The following FAHD2A variants were observed in gnomAD, a reference collection of about 807,000 sequenced individuals.
The protein encoded by FAHD2A is fumarylacetoacetate hydrolase domain containing 2A, also known as oxaloacetate tautomerase FAHD2A, mitochondrial.
In FAHD2A, 27 loss-of-function variants were observed where a neutral mutation model predicts 33.4. The ratio of observed to expected loss-of-function variants is 0.81; its 90% CI spans 0.60 to 1.11. The LOEUF is 1.11. FAHD2A is among the 50% of genes most tolerant of loss of function. The pLI, the probability that FAHD2A is intolerant of heterozygous loss-of-function variation, is 0.00. For synonymous variants in FAHD2A, 130 were observed against 153.3 expected, an observed-to-expected ratio of 0.85 and a Z score of 1.12; for missense variants, 296 against 395.0, an observed-to-expected ratio of 0.75 and a Z score of 2.12.
chr2:95,408,035 A>ATTTTTTTTT (rs11377714), intron 3 of FAHD2A, among the ~76,000 whole-genome samples: 3 of 94,692 alleles, frequency 3.2e-5, no homozygotes, highest in African/African-American at 8.2e-5. Flanking sequence ...GCAAACACAC[A>ATTTTTTTTT]TTTTTTTTTT....
At chr2:95,406,248 G>A (rs2104349535) in intron 2 of FAHD2A, among the ~76,000 whole-genome samples, 1 of 138,990 alleles carries the variant, frequency 7.2e-6, no homozygotes, top group South Asian at 2.6e-4. Flanking sequence ...ACTAGATTAG[G>A]TGAGAGTGTC....
rs777925344 is a variant in FAHD2A, at chr2:95,407,040, T to C, written c.345T>C (p.Tyr115=). 50 of 1,613,692 alleles carry C rather than the reference T, an allele frequency of 3.1e-5. No homozygotes were observed. Among genetic ancestry groups the C allele is most frequent in the Middle Eastern group, 1.7e-4 (1 of 5,948 alleles). ...PDKVVCVGMN[Y]VDHCKEQNVP... ...AGGTGGTGTGTGTGGGCATGAATTATGTGGACCACTGCAAAGAACAGAACG... is the reference window on the plus strand; with the variant it reads ...AGGTGGTGTGTGTGGGCATGAATTACGTGGACCACTGCAAAGAACAGAACG... The change falls in exon 3 of 8, where the codon TAT becomes TAC. Residue 115 remains tyrosine, a synonymous_variant. Transcript: ENST00000233379.
rs1197622169 is a variant in FAHD2A, at chr2:95,405,681, C to G, written c.123C>G (p.His41Gln). 7 of 1,614,180 alleles carry G rather than the reference C, an allele frequency of 4.3e-6. No individual in the cohort carries two copies. Among genetic ancestry groups the G allele is most frequent in the Non-Finnish European group, 5.9e-6 (7 of 1,180,040 alleles). Residue 41 changes from histidine to glutamine, a missense_variant, in exon 2 of 8, where the codon CAC becomes CAG. By Grantham distance (24) the His-to-Gln change is conservative (BLOSUM62 0). Coordinates refer to ENST00000233379, the MANE Select transcript of FAHD2A (RefSeq NM_016044.3). ...GGGCACCCCACCTGGTGGGGCCTCA[C>G]TTGGGCCTGGAGACAGGGAATGGTG... ...QFRAPHLVGP[H>Q]LGLETGNGGG...
At chr2:95,416,897 T>C (rs1220000110), downstream of FAHD2A, among the ~76,000 whole-genome samples, 4 of 152,194 alleles carry the variant, frequency 2.6e-5, no homozygotes, top group African/African-American at 9.6e-5. Context: ...CTCTAGACCC[T>C]AAGGATCCAC....
downstream of FAHD2A, among the ~76,000 whole-genome samples, chr2:95,416,951 A>G (rs778030641): frequency 6.6e-6 from 1 of 152,230 alleles, no homozygotes; most frequent in Non-Finnish European, 1.5e-5. Flanking sequence ...CTTTTCTTCC[A>G]GGCAGCATTT....
At chr2:95,416,825 G>T (rs1161636172), downstream of FAHD2A, among the ~76,000 whole-genome samples, 2 of 152,198 alleles carry the variant, frequency 1.3e-5, no homozygotes, top group African/African-American at 4.8e-5. Flanking sequence ...ACAAAGGCTT[G>T]GATTTCCCAA....
At chr2:95,403,927 G>A (rs1681116942) in intron 1 of FAHD2A, among the ~76,000 whole-genome samples, 1 of 152,174 alleles carries the variant, frequency 6.6e-6, no homozygotes, top group Admixed American at 6.5e-5. Flanking sequence ...ACATTGGCTC[G>A]AACAGCCTTT....
chr2:95,410,431 C>T, intron 3 of FAHD2A, 96 bp from the exon 4 acceptor site: 1 of 1,496,028 alleles, frequency 6.7e-7, no homozygotes, highest in Non-Finnish European at 9.1e-7. Flanking sequence ...GCCATACTGA[C>T]AAAGGTTGAG....
chr2:95,403,870 G>A (rs1369082861), intron 1 of FAHD2A, among the ~76,000 whole-genome samples: 2 of 152,222 alleles, frequency 1.3e-5, no homozygotes, highest in Non-Finnish European at 2.9e-5. Flanking sequence ...GGCATTCAGC[G>A]GCAGCAGTTA....
rs533872209 is a variant in FAHD2A at position 95,405,539 on chromosome 2, A to G, written c.-6-14A>G. The G allele has an allele frequency of 1.9e-5, 31 of 1,600,662 alleles. No homozygotes were observed. The highest frequency in any genetic ancestry group is 9.0e-5 in the East Asian group (4 of 44,576). ...GGATCCTCTGTCTCCTGGATCCTGC[A>G]TTTTTCTCTGCAGGCTCTGATGCTG... On this transcript the variant is annotated splice_polypyrimidine_tract_variant and intron_variant, in intron 1 of 7. Transcript: ENST00000233379.
Position 95,413,492 on chromosome 2 carries a change from C to G in FAHD2A, c.*535C>G, listed in dbSNP as rs1682856908. 1 of 1,609,884 alleles carries G rather than the reference C, an allele frequency of 6.2e-7. No individual in the cohort carries two copies. Among genetic ancestry groups the G allele is most frequent in the African/African-American group, 1.3e-5 (1 of 74,890 alleles). On this transcript the variant is annotated 3_prime_UTR_variant, in exon 8 of 8. Transcript: ENST00000233379. ...TGCCGGATGAACTGTTCTAGTTTTT[C>G]CTGATTGTCCAGGCTGGCAAAAGTA...
At chr2:95,409,352 A>G (rs751008025) in intron 3 of FAHD2A, among the ~76,000 whole-genome samples, 38 of 151,338 alleles carry the variant, frequency 2.5e-4, no homozygotes, top group African/African-American at 3.9e-4. Context: ...GTCTCACTCT[A>G]TTGTGCAGAT....
chr2:95,410,839 A>G, intron 4 of FAHD2A, 25 bp from the exon 5 acceptor site: 1 of 1,613,306 alleles, frequency 6.2e-7, no homozygotes, highest in Non-Finnish European at 8.5e-7. Flanking sequence ...AACCTCCTGT[A>G]TGGCCAAATC....
chr2:95,417,381 AAG>A (rs1683240201), downstream of FAHD2A, among the ~76,000 whole-genome samples: 2 of 152,104 alleles, frequency 1.3e-5, no homozygotes, highest in South Asian at 4.2e-4. Flanking sequence ...CTTCCTGACT[AAG>A]AGAAGCAGCC....
In FAHD2A at chr2:95,402,755, C is replaced by T. The variant is rs1202024042; in HGVS notation, c.-124C>T. Reference sequence around the variant, plus strand: ...CCGAGTGGCCCTGGGTTAGCAGCTGCTGCATTTCCCCGGCTGGCTGCGGTC... The same window carrying T: ...CCGAGTGGCCCTGGGTTAGCAGCTGTTGCATTTCCCCGGCTGGCTGCGGTC... On this transcript the variant is annotated 5_prime_UTR_variant, in exon 1 of 8. Transcript: ENST00000233379. 1.3e-5 allele frequency: 2 copies of T among 152,574 alleles called. No homozygotes were observed. Among genetic ancestry groups the T allele is most frequent in the African/African-American group, 4.8e-5 (2 of 41,586 alleles). The allele number at this position is 152,574 out of a possible 1,614,324, so 9.5% of individuals were successfully genotyped here. A position where few individuals can be genotyped will look rare whatever the true frequency, so the allele number is the denominator to read the frequency against.
chr2:95,420,090 T>C (rs1558811064), downstream of FAHD2A, among the ~76,000 whole-genome samples: 1 of 152,122 alleles, frequency 6.6e-6, no homozygotes. Context: ...TTCCTCTGCC[T>C]TTTTGTTCTA....
rs757165779 is a variant in FAHD2A at position 95,407,059 on chromosome 2, C to T, written c.364C>T (p.Gln122Ter). Residue 122 changes from glutamine (Q) to a stop codon, truncating the protein, a stop_gained, in exon 3 of 8, where the codon CAG (glutamine) becomes TAG (stop). Transcript: ENST00000233379. LOFTEE classifies it high-confidence loss of function. ...GAATTATGTGGACCACTGCAAAGAA[C>T]AGAACGTGCCCGTGCCCAAGGAGCC... ...GMNYVDHCKE[Q>*]NVPVPKEPII... 1.7e-5 allele frequency: 27 copies of T among 1,613,374 alleles called. No individual in the cohort carries two copies. The highest frequency in any genetic ancestry group is 2.3e-5 in the Non-Finnish European group (27 of 1,179,856).
chr2:95,408,013 G>A (rs543272383), intron 3 of FAHD2A, among the ~76,000 whole-genome samples: 38 of 143,332 alleles, frequency 2.7e-4, no homozygotes, highest in Non-Finnish European at 4.8e-4. Context: ...TCTTCTCCCT[G>A]CCCTCCACAT....
At chr2:95,410,391 T>G (rs1231063110) in intron 3 of FAHD2A, 136 bp from the exon 4 acceptor site, 1 of 1,169,362 alleles carries the variant, frequency 8.6e-7, no homozygotes, top group Non-Finnish European at 1.2e-6. Flanking sequence ...CTCTGGTTCG[T>G]GGTGATGGCA....
Sources: gnomAD v4.1 joint callset for allele counts (sites outside exome capture counted in the v4.1 genomes callset) on GRCh38, gnomAD v4.1.1 for gene constraint, MANE v1.5 for transcripts, NCBI Gene and HGNC (gene_info 2026-07-23, HGNC 2026-07-21) for gene names.